Variants in SGCD observed in about 807,000 individuals in gnomAD.
SGCD encodes sarcoglycan delta, also known as delta-sarcoglycan.
In SGCD, 18 loss-of-function variants were observed where a neutral mutation model predicts 36.6. The observed-to-expected ratio is 0.49, with a 90% CI of 0.34 to 0.73. SGCD has a LOEUF of 0.73. Among genes scored for constraint, SGCD ranks in the 30% least tolerant of loss-of-function variants. SGCD has a pLI of 0.01. For missense variants in SGCD, 387 were observed against 346.7 expected (o/e 1.12, Z -0.92); for synonymous variants, 133 against 130.6 (o/e 1.02, Z -0.12).
chr5:156,380,198 A>C (rs1044968677), intron 3 of SGCD, among the ~76,000 whole-genome samples: 1 of 152,158 alleles, frequency 6.6e-6, no homozygotes, highest in Non-Finnish European at 1.5e-5. Context: ...TTTTAAGCTC[A>C]TCTGTGTTCC....
At chr5:156,467,366 A>G (rs964143402) in intron 3 of SGCD, among the ~76,000 whole-genome samples, 22 of 152,202 alleles carry the variant, frequency 1.4e-4, no homozygotes, top group South Asian at 4.1e-4. Flanking sequence ...AATCTCAGTT[A>G]TTCAGGATTC....
At chr5:156,468,280 A>G (rs886423300) in intron 3 of SGCD, among the ~76,000 whole-genome samples, 1 of 150,750 alleles carries the variant, frequency 6.6e-6, no homozygotes, top group Admixed American at 6.6e-5. Flanking sequence ...GTTTGAGACC[A>G]CAGTGAGCTA....
At chr5:156,108,123 T>C (rs1224765215) in intron 1 of SGCD, among the ~76,000 whole-genome samples, 1 of 152,148 alleles carries the variant, frequency 6.6e-6, no homozygotes, top group Non-Finnish European at 1.5e-5. Flanking sequence ...AGAAAACTAA[T>C]CCTTTCCAGT....
intron 3 of SGCD, among the ~76,000 whole-genome samples, chr5:156,298,563 CT>C (rs1409086533): frequency 1.4e-5 from 2 of 139,522 alleles, no homozygotes; most frequent in African/African-American, 5.4e-5. Context: ...TTTGTTAAGT[CT>C]TTTTTTCTTT....
In SGCD at chr5:156,257,441, T is replaced by G. The variant is rs935688831; in HGVS notation, c.-43-72093T>G. On this transcript the variant is annotated intron_variant, in intron 3 of 9. Coordinates refer to the SGCD transcript ENST00000517913. ...GTGAGCAGAGATGGCGACAATGCAC[T>G]CCAGCCTGGGCGACAGAGCGAGACT... 3.7e-4 allele frequency among the ~76,000 whole-genome samples: 56 copies of G among 152,092 alleles called. 1 individual carries two copies. The highest frequency in any genetic ancestry group is 6.5e-5 in the Admixed American group (1 of 15,276).
chr5:156,283,781 C>T (rs1480857701), intron 3 of SGCD, among the ~76,000 whole-genome samples: 1 of 152,144 alleles, frequency 6.6e-6, no homozygotes, highest in East Asian at 1.9e-4. Context: ...AACCAATTCT[C>T]AAGAGAGGCT....
chr5:156,337,430 C>A (rs1448935273), intron 2 of SGCD, among the ~76,000 whole-genome samples: 2 of 152,122 alleles, frequency 1.3e-5, no homozygotes, highest in African/African-American at 4.8e-5. Flanking sequence ...CTCGTTAGAA[C>A]CTAGGAGGTG....
At chr5:155,778,322 G>A in the SGCD span, among the ~76,000 whole-genome samples, 1 of 152,136 alleles carries the variant, frequency 6.6e-6, no homozygotes, top group African/African-American at 2.4e-5. Context: ...TCATGCATAT[G>A]CAATATTCTC....
chr5:155,956,473 G>A (rs945262892), intron 1 of SGCD, among the ~76,000 whole-genome samples: 13 of 152,108 alleles, frequency 8.5e-5, no homozygotes, highest in African/African-American at 1.2e-4. Flanking sequence ...GGTAGATAAT[G>A]TAGGCGCTGG....
At chr5:156,273,398 T>C (rs1025573222) in intron 3 of SGCD, among the ~76,000 whole-genome samples, 2 of 152,180 alleles carry the variant, frequency 1.3e-5, no homozygotes, top group Non-Finnish European at 2.9e-5. Flanking sequence ...AGATTAGCGA[T>C]AGGGAGAGAT....
intron 4 of SGCD, among the ~76,000 whole-genome samples, chr5:156,578,176 T>TG (rs1561791079): frequency 6.6e-6 from 1 of 152,194 alleles, no homozygotes; most frequent in Non-Finnish European, 1.5e-5. Flanking sequence ...GATAATCATG[T>TG]GGTTTTTGTT....
Position 156,148,166 on chromosome 5 carries a change from C to T in SGCD, c.-44+24147C>T, listed in dbSNP as rs548322771. Among the ~76,000 whole-genome samples the T allele has an allele frequency of 1.2e-4, 18 of 152,232 alleles. No homozygotes were observed. The East Asian group carries it at 2.5e-3, about 21-fold the overall frequency. ...AGAAAAGAAAGACAAATGTGAACCA[C>T]ATAATGAACAACAAAAACTCTATAA... On this transcript the variant is annotated intron_variant, in intron 3 of 9. Transcript: ENST00000517913.
chr5:156,044,852 A>G (rs1581059789), intron 1 of SGCD, among the ~76,000 whole-genome samples: 1 of 152,254 alleles, frequency 6.6e-6, no homozygotes, highest in East Asian at 1.9e-4. Flanking sequence ...GTGCACACAC[A>G]CACACATGTT....
chr5:156,485,770 G>A (rs1245944342), intron 3 of SGCD, among the ~76,000 whole-genome samples: 1 of 152,142 alleles, frequency 6.6e-6, no homozygotes, highest in East Asian at 1.9e-4. Context: ...GTCTTTGTGA[G>A]AACACTGAAA....
chr5:156,521,016 C>CAAA (rs3075012), intron 4 of SGCD, among the ~76,000 whole-genome samples: 57 of 56,678 alleles, frequency 1.0e-3, no homozygotes, highest in Admixed American at 1.3e-3. Context: ...GACTCCGTCT[C>CAAA]AAAAAAAAAA....
chr5:156,576,896 G>A (rs147919561), intron 4 of SGCD, among the ~76,000 whole-genome samples: 4,870 of 151,980 alleles, frequency 0.032, 269 homozygotes, highest in African/African-American at 0.11. Context: ...ACTTTCTTTC[G>A]CTGTGCAGAA....
chr5:156,552,631 G>T (rs1434619448), intron 4 of SGCD, among the ~76,000 whole-genome samples: 1 of 152,048 alleles, frequency 6.6e-6, no homozygotes, highest in Non-Finnish European at 1.5e-5. Flanking sequence ...AAGAATAAGG[G>T]TCAGCTCATT....
chr5:156,424,275 T>C (rs954046003), intron 3 of SGCD, among the ~76,000 whole-genome samples: 2 of 152,062 alleles, frequency 1.3e-5, no homozygotes, highest in Admixed American at 1.3e-4. Flanking sequence ...TTACTCTGCC[T>C]GTTACTGCAT....
At chr5:156,349,315 A>G (rs1016180427) in intron 3 of SGCD, among the ~76,000 whole-genome samples, 3 of 152,048 alleles carry the variant, frequency 2.0e-5, no homozygotes, top group Non-Finnish European at 2.9e-5. Context: ...AGAATTAACA[A>G]CCTATGAAGT....
Sources: gnomAD v4.1 joint callset for allele counts (sites outside exome capture counted in the v4.1 genomes callset) on GRCh38, gnomAD v4.1.1 for gene constraint, MANE v1.5 for transcripts, NCBI Gene and HGNC (gene_info 2026-07-23, HGNC 2026-07-21) for gene names.